EYA1: variants seen among roughly 807,000 people sequenced by gnomAD.
The protein encoded by EYA1 is protein phosphatase EYA1.
In EYA1, 16 loss-of-function variants were observed where a neutral mutation model predicts 82.0. The ratio of observed to expected loss-of-function variants is 0.20; its 90% CI spans 0.13 to 0.30. EYA1 has a LOEUF of 0.30. Ranked by LOEUF, EYA1 falls within the 10% of genes least tolerant of loss-of-function variation. The probability of loss-of-function intolerance (pLI) is 1.00; values close to 1 mark genes in which losing one functional copy is unlikely to be tolerated. For synonymous variants in EYA1, 261 were observed against 264.4 expected (o/e 0.99, Z 0.12); for missense variants, 633 against 730.7 (o/e 0.87, Z 1.54).
At chr8:71,223,429 AAAAT>A (rs1343325678) in intron 12 of EYA1, among the ~76,000 whole-genome samples, 2 of 152,214 alleles carry the variant, frequency 1.3e-5, no homozygotes, top group African/African-American at 4.8e-5. Context: ...ACAGAGGAGT[AAAAT>A]AAATAAAGTT....
chr8:71,514,494 A>C (rs997860521), intron 2 of EYA1, among the ~76,000 whole-genome samples: 1 of 152,160 alleles, frequency 6.6e-6, no homozygotes, highest in African/African-American at 2.4e-5. Context: ...CATACTCAAG[A>C]CTGGGAAGAA....
At chr8:71,261,726 G>T (rs1330909340) in intron 11 of EYA1, among the ~76,000 whole-genome samples, 1 of 152,188 alleles carries the variant, frequency 6.6e-6, no homozygotes. Context: ...GGAGGAAGAA[G>T]AATAAAGCCA....
intron 2 of EYA1, among the ~76,000 whole-genome samples, chr8:71,447,577 T>C (rs943323772): frequency 6.6e-6 from 1 of 152,214 alleles, no homozygotes; most frequent in African/African-American, 2.4e-5. Flanking sequence ...GATAATTCAT[T>C]GCCACTGAAT....
chr8:71,420,961 A>AT (rs997863623), intron 2 of EYA1, among the ~76,000 whole-genome samples: 1 of 152,098 alleles, frequency 6.6e-6, no homozygotes, highest in Non-Finnish European at 1.5e-5. Context: ...CATACTCTTG[A>AT]TTTTTTAAAA....
chr8:71,339,458 C>T (rs950824425), intron 3 of EYA1, among the ~76,000 whole-genome samples: 1 of 151,948 alleles, frequency 6.6e-6, no homozygotes, highest in Admixed American at 6.6e-5. Flanking sequence ...CTTGCCAGAC[C>T]CCCTTTTCCA....
chr8:71,288,477 T>C (rs1818636511), intron 9 of EYA1, among the ~76,000 whole-genome samples: 1 of 152,218 alleles, frequency 6.6e-6, no homozygotes, highest in African/African-American at 2.4e-5. Flanking sequence ...AAAAATTTAA[T>C]CTTTCTGGAT....
At chr8:71,343,404 G>A (rs949610448) in intron 3 of EYA1, among the ~76,000 whole-genome samples, 1 of 152,116 alleles carries the variant, frequency 6.6e-6, no homozygotes, top group Non-Finnish European at 1.5e-5. Context: ...AAGGTAATTG[G>A]ATCACAAGCG....
intron 11 of EYA1, among the ~76,000 whole-genome samples, chr8:71,246,497 C>G (rs964920940): frequency 1.3e-5 from 2 of 152,210 alleles, no homozygotes; most frequent in African/African-American, 4.8e-5. Flanking sequence ...AACTTTATCT[C>G]CAATATCTAG....
chr8:71,380,699 T>C (rs908738198), intron 2 of EYA1, among the ~76,000 whole-genome samples: 4 of 152,240 alleles, frequency 2.6e-5, no homozygotes, highest in Admixed American at 2.0e-4. Flanking sequence ...AGCTGTCCCA[T>C]AGGCACTTCA....
intron 2 of EYA1, among the ~76,000 whole-genome samples, chr8:71,377,580 A>G (rs997611106): frequency 1.3e-5 from 2 of 152,228 alleles, no homozygotes; most frequent in Non-Finnish European, 2.9e-5. Flanking sequence ...TTATTGTGAT[A>G]AAATGTATAT....
chr8:71,482,674 T>C (rs140295476), intron 2 of EYA1, among the ~76,000 whole-genome samples: 30 of 152,292 alleles, frequency 2.0e-4, no homozygotes, highest in Non-Finnish European at 4.1e-4. Flanking sequence ...GGCATATTCA[T>C]ATAATGGAAT....
chr8:71,413,160 T>C (rs1830695294), intron 2 of EYA1, among the ~76,000 whole-genome samples: 1 of 152,192 alleles, frequency 6.6e-6, no homozygotes, highest in South Asian at 2.1e-4. Context: ...AAATCAAAGA[T>C]GACCAAAAGT....
At chr8:71,299,339 A>C in intron 8 of EYA1, 106 bp from the exon 9 acceptor site, 1 of 1,126,438 alleles carries the variant, frequency 8.9e-7, no homozygotes, top group Non-Finnish European at 1.3e-6. Flanking sequence ...GCCTTTTCTG[A>C]ATTCACACGG....
At chr8:71,314,540 A>T (rs559696906) in intron 7 of EYA1, among the ~76,000 whole-genome samples, 3 of 152,286 alleles carry the variant, frequency 2.0e-5, no homozygotes, top group African/African-American at 7.2e-5. Flanking sequence ...AAATTTTGGA[A>T]TATTTGCATT....
At chr8:71,532,070 T>C (rs542611423) in intron 2 of EYA1, among the ~76,000 whole-genome samples, 1 of 152,308 alleles carries the variant, frequency 6.6e-6, no homozygotes, top group South Asian at 2.1e-4. Flanking sequence ...GCTAGGGTCA[T>C]GAGGCTACAT....
chr8:71,493,237 G>A (rs912308211), intron 2 of EYA1, among the ~76,000 whole-genome samples: 1 of 152,194 alleles, frequency 6.6e-6, no homozygotes, highest in Non-Finnish European at 1.5e-5. Flanking sequence ...GTGTGTGTGT[G>A]TCTTTATGAT....
chr8:71,535,819 C>A, exon 2 of EYA1: 2 of 1,397,894 alleles, frequency 1.4e-6, no homozygotes, highest in Non-Finnish European at 1.9e-6. Flanking sequence ...TAGCTACACA[C>A]TTCTTCAAAG....
intron 1 of EYA1, among the ~76,000 whole-genome samples, chr8:71,536,869 T>G (rs888045288): frequency 1.3e-5 from 2 of 152,222 alleles, no homozygotes; most frequent in African/African-American, 2.4e-5. Flanking sequence ...ACTCTGCCAC[T>G]AAACAGCTGA....
intron 6 of EYA1, 91 bp downstream of exon 6, chr8:71,321,643 G>T: frequency 6.7e-7 from 1 of 1,489,806 alleles, no homozygotes; most frequent in Non-Finnish European, 9.0e-7. Context: ...TTCTAAATTG[G>T]CCAAAGATTG....
Sources: allele counts gnomAD v4.1 joint callset (sites outside exome capture counted in the v4.1 genomes callset), GRCh38; gene constraint gnomAD v4.1.1; transcripts MANE v1.5; gene names NCBI Gene and HGNC (gene_info 2026-07-23, HGNC 2026-07-21).